Variants in PRDM16 observed in about 807,000 individuals in gnomAD.
PRDM16 encodes the protein histone-lysine N-methyltransferase PRDM16.
Under a neutral mutation model 110.6 loss-of-function variants are expected in PRDM16, and 23 were observed. That is an observed-to-expected ratio of 0.21 (90% CI 0.15 to 0.29). The LOEUF (loss-of-function observed/expected upper bound fraction) is 0.29. PRDM16 is among the 10% of genes least tolerant of loss of function. The pLI is 1.00. For missense variants in PRDM16, 1,615 were observed against 1,794.3 expected (o/e 0.90, Z 1.81); for synonymous variants, 799 against 781.8 (o/e 1.02, Z -0.37).
At chr1:3,386,285 C>T (rs1643197054) in intron 4 of PRDM16, among the ~76,000 whole-genome samples, 1 of 152,062 alleles carries the variant, frequency 6.6e-6, no homozygotes, top group Non-Finnish European at 1.5e-5. Context: ...TGTGTGAAGA[C>T]CACGTCACGG....
chr1:3,114,543 AACAC>A (rs199993488), intron 1 of PRDM16, among the ~76,000 whole-genome samples: 3 of 151,668 alleles, frequency 2.0e-5, no homozygotes, highest in Non-Finnish European at 2.9e-5. Context: ...TGCACACATG[AACAC>A]ACACACGTGC....
At chr1:3,423,402 C>G (rs566653464) in intron 12 of PRDM16, among the ~76,000 whole-genome samples, 12 of 152,172 alleles carry the variant, frequency 7.9e-5, no homozygotes, top group South Asian at 2.1e-4. Flanking sequence ...GAGGCCCCTG[C>G]GGGTGTGTTG....
chr1:3,306,062 T>G (rs541257389), intron 3 of PRDM16, among the ~76,000 whole-genome samples: 1 of 152,194 alleles, frequency 6.6e-6, no homozygotes, highest in Non-Finnish European at 1.5e-5. Context: ...ACCACTTCCC[T>G]CCAGGTTGTG....
chr1:3,354,469 A>G (rs999159710), intron 3 of PRDM16, among the ~76,000 whole-genome samples: 11 of 151,584 alleles, frequency 7.3e-5, no homozygotes, highest in African/African-American at 2.4e-4. Flanking sequence ...CAAAAAAAAA[A>G]AAAAAAAAAA....
At chr1:3,186,042 G>C (rs1416708389) in intron 1 of PRDM16, 83 bp from the exon 2 acceptor site, 5 of 1,212,142 alleles carry the variant, frequency 4.1e-6, no homozygotes, top group Admixed American at 1.8e-5. Flanking sequence ...GCCCATTGAT[G>C]CCCGAGTCCC....
intron 3 of PRDM16, among the ~76,000 whole-genome samples, chr1:3,337,686 G>A (rs1385330927): frequency 6.6e-6 from 1 of 152,178 alleles, no homozygotes; most frequent in East Asian, 1.9e-4. Context: ...AGGCTGGCTG[G>A]CTTTCCCTTG....
intron 3 of PRDM16, among the ~76,000 whole-genome samples, chr1:3,357,418 C>T (rs922818352): frequency 5.9e-5 from 9 of 151,358 alleles, no homozygotes; most frequent in African/African-American, 9.7e-5. Context: ...CAGCTCCAGC[C>T]GTGGGAAATG....
chr1:3,300,649 T>C (rs1641188470), intron 3 of PRDM16, among the ~76,000 whole-genome samples: 1 of 152,236 alleles, frequency 6.6e-6, no homozygotes, highest in Non-Finnish European at 1.5e-5. Context: ...GAAAATGGAT[T>C]CTGCCGGTGT....
At chr1:3,281,578 A>G (rs1640712380) in intron 3 of PRDM16, among the ~76,000 whole-genome samples, 1 of 152,218 alleles carries the variant, frequency 6.6e-6, no homozygotes, top group Admixed American at 6.5e-5. Flanking sequence ...CTGATGAGCT[A>G]TGGTTAGATT....
chr1:3,195,771 G>A (rs1279867430), intron 2 of PRDM16, among the ~76,000 whole-genome samples: 2 of 152,198 alleles, frequency 1.3e-5, no homozygotes, highest in Non-Finnish European at 2.9e-5. Flanking sequence ...GGTCCCCCAA[G>A]GCTCCCTGTG....
In PRDM16 at chr1:3,316,710, T is replaced by G. The variant is rs201305913; in HGVS notation, c.439-68442T>G. ...GGGTAGACAGGAAACAGTGACATAG[T>G]GGAGCCAGGAAACAGTGACACGGTG... On this transcript the variant is annotated intron_variant, in intron 3 of 16. Coordinates refer to ENST00000270722, the MANE Select transcript of PRDM16 (RefSeq NM_022114.4). Among the ~76,000 whole-genome samples the G allele has an allele frequency of 9.3e-5, 13 of 139,232 alleles. No homozygotes were observed. The East Asian group carries it at 1.7e-3, about 18-fold the overall frequency. The allele number at this position is 139,232 out of a possible 152,430, so 91.3% of individuals were successfully genotyped here. A position where few individuals can be genotyped will look rare whatever the true frequency, so the allele number is the denominator to read the frequency against.
chr1:3,433,081 C>T (rs907686079), intron 16 of PRDM16, among the ~76,000 whole-genome samples: 20 of 152,324 alleles, frequency 1.3e-4, no homozygotes, highest in African/African-American at 4.8e-4. Context: ...AAACCAGACA[C>T]GTGTCTGTAG....
At chr1:3,179,089 G>A (rs1644122588) in intron 1 of PRDM16, among the ~76,000 whole-genome samples, 1 of 152,250 alleles carries the variant, frequency 6.6e-6, no homozygotes, top group African/African-American at 2.4e-5. Flanking sequence ...GAGGAACTCA[G>A]ACAAACCCCA....
At chr1:3,072,944 G>A (rs955373006) in intron 1 of PRDM16, among the ~76,000 whole-genome samples, 3 of 152,248 alleles carry the variant, frequency 2.0e-5, no homozygotes, top group Non-Finnish European at 4.4e-5. Context: ...GGAGGGGCTT[G>A]CCAAGCTGGC....
At chr1:3,337,059 G>A (rs1642174286) in intron 3 of PRDM16, among the ~76,000 whole-genome samples, 1 of 151,838 alleles carries the variant, frequency 6.6e-6, no homozygotes, top group Non-Finnish European at 1.5e-5. Context: ...ACATCTGTTG[G>A]TGTGAATCTG....
chr1:3,158,818 G>A (rs1643877634), intron 1 of PRDM16, among the ~76,000 whole-genome samples: 1 of 143,932 alleles, frequency 6.9e-6, no homozygotes, highest in Admixed American at 7.1e-5. Context: ...CTGTTGCCCA[G>A]GCTGGAGTAC....
chr1:3,097,745 G>T (rs762404544), intron 1 of PRDM16, among the ~76,000 whole-genome samples: 2 of 152,188 alleles, frequency 1.3e-5, no homozygotes, highest in African/African-American at 4.8e-5. Flanking sequence ...GCCTGGGAAG[G>T]TTCCTCAGGA....
chr1:3,276,539 C>T (rs12742717), intron 3 of PRDM16, among the ~76,000 whole-genome samples: 40,124 of 152,274 alleles, frequency 0.26, 8,057 homozygotes, highest in African/African-American at 0.55. Flanking sequence ...GAAGGCCCCA[C>T]GGCCCTAACT....
intron 2 of PRDM16, among the ~76,000 whole-genome samples, chr1:3,199,797 T>A (rs9659513): frequency 2.6e-5 from 4 of 152,126 alleles, no homozygotes; most frequent in African/African-American, 7.2e-5. Context: ...CCTTGATGCC[T>A]CCCACATGGA....
Sources: gnomAD v4.1 joint callset for allele counts (sites outside exome capture counted in the v4.1 genomes callset) on GRCh38, gnomAD v4.1.1 for gene constraint, MANE v1.5 for transcripts, NCBI Gene and HGNC (gene_info 2026-07-23, HGNC 2026-07-21) for gene names.